The following EQTN variants were observed in gnomAD, a reference collection of about 807,000 sequenced individuals.
The protein encoded by EQTN is equatorin.
In EQTN, 29 loss-of-function variants were observed where a neutral mutation model predicts 26.9. The observed-to-expected ratio is 1.08, with a 90% CI of 0.80 to 1.47. The LOEUF (loss-of-function observed/expected upper bound fraction) is 1.47, where lower values mean the gene tolerates loss of function less well. Ranked by LOEUF, EQTN falls within the 40% of genes most tolerant of loss-of-function variation. The pLI is 0.00. For missense variants in EQTN, 391 were observed against 346.1 expected (o/e 1.13, Z -1.03); for synonymous variants, 129 against 120.0 (o/e 1.07, Z -0.49).
chr9:27,291,532 G>A (rs1360711442), intron 4 of EQTN, among the ~76,000 whole-genome samples: 3 of 152,182 alleles, frequency 2.0e-5, no homozygotes, highest in African/African-American at 4.8e-5. Context: ...CTTGAGTGAA[G>A]GGTGTGGATG....
At chr9:27,291,132 G>A in intron 4 of EQTN, 69 bp from the exon 5 acceptor site, 1 of 1,329,426 alleles carries the variant, frequency 7.5e-7, no homozygotes, top group Non-Finnish European at 1.0e-6. Flanking sequence ...AATTTAGTTT[G>A]AGGAACATTC....
At chr9:27,285,728 G>A (rs1322872049) in intron 7 of EQTN, among the ~76,000 whole-genome samples, 1 of 152,156 alleles carries the variant, frequency 6.6e-6, no homozygotes, top group Non-Finnish European at 1.5e-5. Flanking sequence ...AAGGTAATCT[G>A]TTACACTGCC....
At position 27,289,709 on chromosome 9, in the gene EQTN, G is replaced by A. The variant is rs765688896; in HGVS notation, c.444C>T (p.Val148=). The A allele has an allele frequency of 6.2e-7, 1 of 1,607,456 alleles. No homozygotes were observed. Among genetic ancestry groups the A allele is most frequent in the Non-Finnish European group, 8.5e-7 (1 of 1,176,754 alleles). ...LAKAINGTAV[V]MDDKDQLFHP... Reference sequence around the variant, plus strand: ...GAAATAATTGATCTTTATCATCCATGACCACTGCTGTTCCATTTATAGCTG... The same window carrying A: ...GAAATAATTGATCTTTATCATCCATAACCACTGCTGTTCCATTTATAGCTG... Residue 148 remains valine (V), a synonymous_variant, in exon 6 of 8, where the codon GTC becomes GTT. Transcript: ENST00000380032.
rs189559945 is a variant in EQTN, at chr9:27,287,855, G to A, written c.482-1493C>T. 3.8e-3 allele frequency among the ~76,000 whole-genome samples: 578 copies of A among 152,290 alleles called. 1 individual carries two copies. The highest frequency in any genetic ancestry group is 6.4e-3 in the Non-Finnish European group (434 of 68,026). ...TCTGTCACCCAGGCTAGAGTGCAGT[G>A]TGCAGTGGCACAATCTTAGCTCACT... On this transcript the variant is annotated intron_variant, in intron 6 of 7. Coordinates refer to ENST00000380032, the MANE Select transcript of EQTN (RefSeq NM_020641.3).
intron 7 of EQTN, 87 bp from the exon 8 acceptor site, chr9:27,285,059 T>G (rs2131302540): frequency 8.0e-7 from 1 of 1,244,708 alleles, no homozygotes; most frequent in East Asian, 2.5e-5. Flanking sequence ...AAAATTAAAA[T>G]ATACGAATTT....
chr9:27,296,785 T>C, intron 1 of EQTN, 47 bp from the exon 2 acceptor site: 2 of 1,582,482 alleles, frequency 1.3e-6, no homozygotes, highest in Non-Finnish European at 1.7e-6. Flanking sequence ...TGTTGATTTC[T>C]TTTACTGCTT....
At chr9:27,289,221 T>A (rs1371382951) in intron 6 of EQTN, among the ~76,000 whole-genome samples, 1 of 152,170 alleles carries the variant, frequency 6.6e-6, no homozygotes, top group Non-Finnish European at 1.5e-5. Flanking sequence ...CTCCATTTGG[T>A]TTCAGGAATA....
chr9:27,293,427 C>A (rs1300472061), intron 3 of EQTN, among the ~76,000 whole-genome samples: 2 of 152,078 alleles, frequency 1.3e-5, no homozygotes, highest in African/African-American at 4.8e-5. Flanking sequence ...ATCCGCAGAT[C>A]TCCATCTTCC....
intron 5 of EQTN, 123 bp from the exon 6 acceptor site, chr9:27,289,854 G>T (rs1820195817): frequency 1.6e-6 from 1 of 622,090 alleles, no homozygotes; most frequent in Non-Finnish European, 2.6e-6. Context: ...ATTATTCGTG[G>T]CAGTTATATT....
At chr9:27,295,859 G>A (rs7867737) in intron 2 of EQTN, among the ~76,000 whole-genome samples, 8,241 of 127,556 alleles carry the variant, frequency 0.065, 1,122 homozygotes, top group African/African-American at 0.23. Context: ...AAAAAACAAC[G>A]ATAAAATTAC....
At chr9:27,294,579 A>C (rs1183193752) in intron 2 of EQTN, 177 bp from the exon 3 acceptor site, 2 of 388,510 alleles carry the variant, frequency 5.1e-6, no homozygotes, top group Admixed American at 8.5e-5. Context: ...CAAATCTAAA[A>C]CTCATTGAAA....
intron 2 of EQTN, 42 bp from the exon 3 acceptor site, chr9:27,294,444 C>G: frequency 1.6e-6 from 2 of 1,226,274 alleles, no homozygotes; most frequent in South Asian, 3.3e-5. Context: ...AGCTAAGTCA[C>G]TTTTTTTCCT....
chr9:27,296,881 T>A, intron 1 of EQTN, 99 bp downstream of exon 1: 1 of 1,559,154 alleles, frequency 6.4e-7, no homozygotes, highest in Middle Eastern at 2.0e-4. Flanking sequence ...CAATAAAGTT[T>A]ATATCCTCCT....
In EQTN at chr9:27,284,808, G is replaced by GATCTTGTGCCTGATC. The variant is rs778711441; in HGVS notation, c.799_800insGATCAGGCACAAGAT (p.Thr267delinsArgSerGlyThrArgSer). ...ATCCGTCATTATCTTAGATTCTGAT[G>GATCTTGTGCCTGATC]TTCTTGTGCCTGATCTTCTCATATC... On this transcript the variant is annotated protein_altering_variant, in exon 8 of 8. Coordinates refer to ENST00000380032, the MANE Select transcript of EQTN (RefSeq NM_020641.3). 1.9e-6 allele frequency: 3 copies of GATCTTGTGCCTGATC among 1,614,074 alleles called. No individual in the cohort carries two copies. In the Admixed American group the frequency reaches 5.0e-5, roughly 27 times the overall value.
chr9:27,290,788 G>A (rs1175403879), intron 5 of EQTN, among the ~76,000 whole-genome samples: 1 of 152,160 alleles, frequency 6.6e-6, no homozygotes, highest in Non-Finnish European at 1.5e-5. Context: ...TAAATAAATT[G>A]AATAACATTT....
At position 27,284,842 on chromosome 9, in the gene EQTN, T is replaced by C. The variant is rs1466381812; in HGVS notation, c.766A>G (p.Thr256Ala). 5 of 1,614,038 alleles carry C rather than the reference T, an allele frequency of 3.1e-6. No homozygotes were observed. The African/African-American group carries it at 5.3e-5, about 17-fold the overall frequency. ...CCTGATCTTCTCATATCTGAAGAAGTGGTACCCAAAAATGTGCTGCTCTCT... is the reference window on the plus strand; with the variant it reads ...CCTGATCTTCTCATATCTGAAGAAGCGGTACCCAAAAATGTGCTGCTCTCT... Reference protein sequence around the residue: ...SAESSTFLGTTSSDMRRSGTR... With the variant: ...SAESSTFLGTASSDMRRSGTR... Residue 256 changes from threonine (T) to alanine (A), a missense_variant, in exon 8 of 8, where the codon ACT becomes GCT. Coordinates refer to ENST00000380032, the MANE Select transcript of EQTN (RefSeq NM_020641.3).
Position 27,297,114 on chromosome 9 carries a change from G to T in EQTN, c.-59C>A. 8.1e-7 allele frequency: 1 copy of T among 1,242,178 alleles called. No individual in the cohort carries two copies. Among genetic ancestry groups the T allele is most frequent in the Non-Finnish European group, 1.2e-6 (1 of 868,310 alleles). The allele number at this position is 1,242,178 out of a possible 1,614,324, so 76.9% of individuals were successfully genotyped here. On this transcript the variant is annotated 5_prime_UTR_variant, in exon 1 of 8. Transcript: ENST00000380032. ...TGCGTCTACCCAGAGCCTCCTTTCT[G>T]TGGCCCAGCAGGTCCTGTGTCTAAC...
At chr9:27,293,558 G>A (rs2131309286) in intron 3 of EQTN, among the ~76,000 whole-genome samples, 1 of 152,228 alleles carries the variant, frequency 6.6e-6, no homozygotes, top group South Asian at 2.1e-4. Flanking sequence ...TCCTCTGGGG[G>A]CCTGAATTGT....
Position 27,294,317 on chromosome 9 carries a change from G to C in EQTN, c.288C>G (p.Asn96Lys). ...GCAATGGTGCCTTTCACTTCTTACC[G>C]TTTTTTAGAGCAAAATTCAGGTCAG... ...ATTDLNFALK[N>K]DKTVNATTYE... The change falls in exon 3 of 8, where the codon AAC (asparagine) becomes AAG (lysine). Residue 96 changes from asparagine to lysine, a missense_variant and splice_region_variant. Coordinates refer to ENST00000380032, the MANE Select transcript of EQTN (RefSeq NM_020641.3). 6.2e-7 allele frequency: 1 copy of C among 1,605,486 alleles called. No individual in the cohort carries two copies. Among genetic ancestry groups the C allele is most frequent in the African/African-American group, 1.3e-5 (1 of 74,844 alleles).
Sources: gnomAD v4.1 joint callset for allele counts (sites outside exome capture counted in the v4.1 genomes callset) on GRCh38, gnomAD v4.1.1 for gene constraint, MANE v1.5 for transcripts, NCBI Gene and HGNC (gene_info 2026-07-23, HGNC 2026-07-21) for gene names.